The following ABCC4 variants were observed in gnomAD, a reference collection of about 807,000 sequenced individuals.
ABCC4 encodes ATP-binding cassette sub-family C member 4.
Under a neutral mutation model 168.5 loss-of-function variants are expected in ABCC4, and 102 were observed. That is an observed-to-expected ratio of 0.61 (90% confidence interval 0.52 to 0.71). The LOEUF is 0.71. Among genes scored for constraint, ABCC4 ranks in the 30% least tolerant of loss-of-function variants. The probability of loss-of-function intolerance (pLI) is 0.00; values close to 1 mark genes in which losing one functional copy is unlikely to be tolerated. For missense variants in ABCC4, 1,402 were observed against 1,605.8 expected, an observed-to-expected ratio of 0.87 and a Z score of 2.17; for synonymous variants, 617 against 590.7, an observed-to-expected ratio of 1.04 and a Z score of -0.65.
intron 11 of ABCC4, among the ~76,000 whole-genome samples, chr13:95,179,674 C>G (rs565074701): frequency 6.6e-6 from 1 of 152,156 alleles, no homozygotes; most frequent in African/African-American, 2.4e-5. Flanking sequence ...TGGAGAACAT[C>G]GCTGGGTATT....
intron 27 of ABCC4, among the ~76,000 whole-genome samples, chr13:95,050,425 T>C (rs1321937365): frequency 6.6e-6 from 1 of 152,080 alleles, no homozygotes; most frequent in Non-Finnish European, 1.5e-5. Flanking sequence ...ATTTGGAAAA[T>C]CCAGGAAAAC....
chr13:95,207,904 C>T lies in ABCC4; in HGVS notation c.807G>A (p.Thr269=), dbSNP rs755852138. 10 of 1,613,654 alleles carry T rather than the reference C, an allele frequency of 6.2e-6. No individual in the cohort carries two copies. The highest frequency in any genetic ancestry group is 2.2e-5 in the East Asian group (1 of 44,860). ...CATTCATGGTCCTGATCCTGGCATC[C>T]GTGAAAGTTGCAGTTTTACTCCTAA... ...SSLRSKTATF[T]DARIRTMNEV... Residue 269 remains threonine (T), a synonymous_variant, in exon 7 of 31, where the codon ACG becomes ACA. Coordinates refer to ENST00000645237, the MANE Select transcript of ABCC4 (RefSeq NM_005845.5).
chr13:95,033,834 G>C (rs1173749533), intron 30 of ABCC4, among the ~76,000 whole-genome samples: 1 of 151,974 alleles, frequency 6.6e-6, no homozygotes, highest in African/African-American at 2.4e-5. Context: ...GCTAATTTTT[G>C]TATTTTTAGT....
intron 19 of ABCC4, among the ~76,000 whole-genome samples, chr13:95,152,076 G>T (rs2139512930): frequency 6.6e-6 from 1 of 152,260 alleles, no homozygotes. Context: ...AAAGTTATTA[G>T]GTGTTTGACA....
chr13:95,191,850 G>A (rs1414986693), intron 9 of ABCC4, among the ~76,000 whole-genome samples: 1 of 152,202 alleles, frequency 6.6e-6, no homozygotes, highest in Non-Finnish European at 1.5e-5. Context: ...GCAAAACCCA[G>A]CTTCCCATCA....
At chr13:95,139,164 G>A (rs1263592666) in intron 19 of ABCC4, among the ~76,000 whole-genome samples, 2 of 152,210 alleles carry the variant, frequency 1.3e-5, no homozygotes, top group African/African-American at 2.4e-5. Flanking sequence ...GACTCAGTGG[G>A]TATTTCTGAG....
intron 1 of ABCC4, among the ~76,000 whole-genome samples, chr13:95,270,715 G>A (rs1198792468): frequency 6.6e-6 from 1 of 152,214 alleles, no homozygotes; most frequent in East Asian, 1.9e-4. Context: ...TGATGGCAAT[G>A]CTACTGTCTG....
intron 19 of ABCC4, among the ~76,000 whole-genome samples, chr13:95,142,533 A>AACTT (rs2036352573): frequency 6.6e-6 from 1 of 152,158 alleles, no homozygotes; most frequent in Non-Finnish European, 1.5e-5. Context: ...ACCACTAAAG[A>AACTT]ACTTACTCAT....
At chr13:95,154,432 G>C (rs549513666) in intron 19 of ABCC4, among the ~76,000 whole-genome samples, 1 of 152,312 alleles carries the variant, frequency 6.6e-6, no homozygotes, top group African/African-American at 2.4e-5. Context: ...CAGCTCATCT[G>C]CTCTCAAGGA....
In ABCC4 at chr13:95,259,473, CTT is replaced by C. The variant is rs1316852885; in HGVS notation, c.75-11722_75-11721del. On this transcript the variant is annotated intron_variant, in intron 1 of 30. Transcript: ENST00000645237. ...TACTGGCATTTGGAGCTGAAAAACT[CTT>C]TGTTGGGGGTGTCGTCCCGTGCACT... 6.6e-5 allele frequency among the ~76,000 whole-genome samples: 10 copies of C among 152,202 alleles called. No individual in the cohort carries two copies. In the East Asian group the frequency reaches 1.7e-3, roughly 27 times the overall value.
At chr13:95,183,699 G>T (rs1211994786) in intron 11 of ABCC4, among the ~76,000 whole-genome samples, 1 of 152,140 alleles carries the variant, frequency 6.6e-6, no homozygotes, top group Non-Finnish European at 1.5e-5. Context: ...GATCACTTGA[G>T]GTCAAGAGTT....
intron 21 of ABCC4, among the ~76,000 whole-genome samples, chr13:95,082,200 CT>C (rs1594065970): frequency 6.6e-6 from 1 of 152,202 alleles, no homozygotes; most frequent in East Asian, 1.9e-4. Context: ...AAATATCTTC[CT>C]TCTTTATTTT....
chr13:95,109,443 CAT>C (rs1274435550), intron 20 of ABCC4, among the ~76,000 whole-genome samples: 11 of 152,108 alleles, frequency 7.2e-5, no homozygotes, highest in African/African-American at 2.7e-4. Context: ...CTGGCATGCA[CAT>C]AGTTTCTTTC....
intron 9 of ABCC4, 146 bp from the exon 10 acceptor site, chr13:95,188,688 A>G: frequency 5.8e-6 from 4 of 692,208 alleles, no homozygotes; most frequent in Non-Finnish European, 9.5e-6. Flanking sequence ...TGTATCCTAG[A>G]GTCCTTTTCA....
intron 8 of ABCC4, among the ~76,000 whole-genome samples, chr13:95,197,624 T>A (rs1227649525): frequency 5.9e-5 from 9 of 152,092 alleles, no homozygotes; most frequent in African/African-American, 1.9e-4. Flanking sequence ...ATGAGGTGCA[T>A]CCCCAGAAAG....
At chr13:95,254,419 AC>A (rs1170435955) in intron 1 of ABCC4, among the ~76,000 whole-genome samples, 1 of 152,150 alleles carries the variant, frequency 6.6e-6, no homozygotes, top group Admixed American at 6.5e-5. Flanking sequence ...AATACCCCTG[AC>A]TCATAACCAA....
rs1280856591 is a variant in ABCC4, at chr13:95,177,756, C to A, written c.1678G>T (p.Asp560Tyr). The change falls in exon 13 of 31, where the codon GAT (aspartate) becomes TAT (tyrosine). Residue 560 changes from aspartate to tyrosine, a missense_variant. Around this residue, in one of 3 missense-constraint regions of ABCC4, gnomAD observed 1,007 missense variants for 1,127.3 expected, o/e 0.89. Coordinates refer to ENST00000645237, the MANE Select transcript of ABCC4 (RefSeq NM_005845.5). ...YQDADIYLLDDPLSAVDAEVS... is the reference protein window; with the variant it reads ...YQDADIYLLDYPLSAVDAEVS... Reference sequence around the variant, plus strand: ...TCCGCATCTACTGCACTGAGAGGATCGTCCAGGAGATAGATGTCAGCATCT... The same window carrying A: ...TCCGCATCTACTGCACTGAGAGGATAGTCCAGGAGATAGATGTCAGCATCT... The A allele has an allele frequency of 6.2e-7, 1 of 1,611,566 alleles. No individual in the cohort carries two copies. The highest frequency in any genetic ancestry group is 8.5e-7 in the Non-Finnish European group (1 of 1,177,942).
intron 8 of ABCC4, among the ~76,000 whole-genome samples, chr13:95,202,648 T>G (rs965865147): frequency 1.3e-4 from 18 of 133,930 alleles, no homozygotes; most frequent in Admixed American, 1.2e-3. Context: ...TGTGCACTTT[T>G]TTTTTTTTTT....
At chr13:95,071,570 T>C in intron 25 of ABCC4, 92 bp downstream of exon 25, 1 of 1,137,474 alleles carries the variant, frequency 8.8e-7, no homozygotes. Flanking sequence ...TACGTATCAC[T>C]GATCCCCTTC....
Sources: gnomAD v4.1 joint callset for allele counts (sites outside exome capture counted in the v4.1 genomes callset) on GRCh38, gnomAD v4.1.1 for gene constraint, gnomAD v4.1.1 regional missense constraint, MANE v1.5 for transcripts, NCBI Gene and HGNC (gene_info 2026-07-23, HGNC 2026-07-21) for gene names.